The following KREMEN1 variants were observed in gnomAD, a reference collection of about 807,000 sequenced individuals.
KREMEN1 encodes the protein kremen protein 1.
Under a neutral mutation model 46.5 loss-of-function variants are expected in KREMEN1, and 30 were observed. That is an observed-to-expected ratio of 0.65 (90% CI 0.48 to 0.88). The LOEUF (loss-of-function observed/expected upper bound fraction) is 0.88, where lower values mean the gene tolerates loss of function less well. Among genes scored for constraint, KREMEN1 ranks in the 40% least tolerant of loss-of-function variants. The pLI is 0.00. For missense variants in KREMEN1, 533 were observed against 596.9 expected (o/e 0.89, Z 1.11); for synonymous variants, 214 against 230.6 (o/e 0.93, Z 0.65).
At chr22:29,125,153 C>A in intron 4 of KREMEN1, 110 bp from the exon 5 acceptor site, 1 of 1,228,550 alleles carries the variant, frequency 8.1e-7, no homozygotes, top group South Asian at 1.4e-5. Context: ...GGGAAGGGAC[C>A]CTGGGAAGTT....
chr22:29,074,940 T>C (rs1278950196), intron 1 of KREMEN1, among the ~76,000 whole-genome samples: 5 of 152,188 alleles, frequency 3.3e-5, no homozygotes, highest in Non-Finnish European at 7.3e-5. Flanking sequence ...ATAATACTTT[T>C]ATAGGGCCTC....
intron 3 of KREMEN1, among the ~76,000 whole-genome samples, chr22:29,102,545 C>T (rs1363580001): frequency 6.6e-6 from 1 of 152,116 alleles, no homozygotes; most frequent in East Asian, 1.9e-4. Context: ...GAGGGGGTTT[C>T]AATCTGGGCA....
At chr22:29,091,031 A>G (rs181453227) in intron 1 of KREMEN1, among the ~76,000 whole-genome samples, 1 of 152,284 alleles carries the variant, frequency 6.6e-6, no homozygotes, top group Non-Finnish European at 1.5e-5. Flanking sequence ...TGGAGTGCAA[A>G]GGCACGATCT....
rs2038786585 is a variant in KREMEN1 at position 29,142,816 on chromosome 22, A to G, written c.*704A>G. The G allele has an allele frequency of 7.1e-6, 7 of 985,364 alleles. No individual in the cohort carries two copies. The highest frequency in any genetic ancestry group is 8.4e-6 in the Non-Finnish European group (7 of 829,972). 61.0% of individuals were successfully genotyped at this position (985,364 alleles called of 1,614,324 possible). ...TTCTAGATTCTTCTTTCCATAGCTC[A>G]TGGAGCTGCAGGGAAAGCTTTAAGA... On this transcript the variant is annotated 3_prime_UTR_variant, in exon 9 of 9. Coordinates refer to ENST00000400335, the MANE Select transcript of KREMEN1 (RefSeq NM_001039570.3).
At chr22:29,116,557 G>T (rs969442020) in intron 3 of KREMEN1, among the ~76,000 whole-genome samples, 1 of 152,072 alleles carries the variant, frequency 6.6e-6, no homozygotes, top group African/African-American at 2.4e-5. Flanking sequence ...AAGCTTAGAG[G>T]TTCCAGCTGT....
intron 9 of KREMEN1, among the ~76,000 whole-genome samples, chr22:29,158,954 G>T (rs564656706): frequency 6.6e-6 from 1 of 151,984 alleles, no homozygotes; most frequent in African/African-American, 2.4e-5. Context: ...AAGTAGCTGG[G>T]ATTACATGCA....
intron 5 of KREMEN1, among the ~76,000 whole-genome samples, chr22:29,133,491 G>A (rs2038600808): frequency 6.6e-6 from 1 of 151,906 alleles, no homozygotes; most frequent in Non-Finnish European, 1.5e-5. Flanking sequence ...TATAGAGATA[G>A]GGTCTCACTA....
chr22:29,155,361 C>A (rs1244397825), intron 9 of KREMEN1, among the ~76,000 whole-genome samples: 2 of 152,048 alleles, frequency 1.3e-5, no homozygotes, highest in Non-Finnish European at 2.9e-5. Context: ...ATGGCAAAAC[C>A]CGGTGTCTAC....
intron 1 of KREMEN1, among the ~76,000 whole-genome samples, chr22:29,077,346 T>G (rs1285422141): frequency 6.6e-6 from 1 of 152,170 alleles, no homozygotes; most frequent in Non-Finnish European, 1.5e-5. Flanking sequence ...TTGAATTTCC[T>G]ATTTTTATTT....
intron 4 of KREMEN1, among the ~76,000 whole-genome samples, chr22:29,123,654 TG>T (rs1214735333): frequency 6.6e-6 from 1 of 152,176 alleles, no homozygotes. Flanking sequence ...TAGCTGGGCG[TG>T]GTAGCACACC....
intron 3 of KREMEN1, among the ~76,000 whole-genome samples, chr22:29,115,865 G>A (rs2038230881): frequency 6.6e-6 from 1 of 152,220 alleles, no homozygotes; most frequent in Non-Finnish European, 1.5e-5. Context: ...GTCCAGTTGG[G>A]AAACTTGCAA....
chr22:29,117,260 A>G (rs2038254997), intron 3 of KREMEN1, among the ~76,000 whole-genome samples: 1 of 152,176 alleles, frequency 6.6e-6, no homozygotes, highest in Non-Finnish European at 1.5e-5. Flanking sequence ...TTCCAGTCTG[A>G]AACATAAAGG....
chr22:29,127,368 A>G (rs892400672), intron 5 of KREMEN1, among the ~76,000 whole-genome samples: 1 of 152,226 alleles, frequency 6.6e-6, no homozygotes, highest in Non-Finnish European at 1.5e-5. Context: ...TAAAAAATGG[A>G]AAATGAGTGT....
chr22:29,152,289 G>A (rs191833634), intron 9 of KREMEN1, among the ~76,000 whole-genome samples: 40 of 152,284 alleles, frequency 2.6e-4, no homozygotes, highest in Admixed American at 2.5e-3. Context: ...CGGCTCCAAG[G>A]ACAGAGTCTC....
intron 1 of KREMEN1, among the ~76,000 whole-genome samples, chr22:29,088,306 T>TACACACACACAC (rs199764170): frequency 6.0e-5 from 9 of 149,782 alleles, no homozygotes; most frequent in East Asian, 2.0e-4. Flanking sequence ...CACGCGTGCA[T>TACACACACACAC]ACACACACAC....
At chr22:29,113,236 C>A (rs1438104304) in intron 3 of KREMEN1, among the ~76,000 whole-genome samples, 1 of 152,216 alleles carries the variant, frequency 6.6e-6, no homozygotes, top group Non-Finnish European at 1.5e-5. Context: ...AGACTGGTTT[C>A]TTCTTTGTCC....
chr22:29,137,230 A>G (rs1341926114), intron 5 of KREMEN1, 112 bp from the exon 6 acceptor site: 1 of 679,962 alleles, frequency 1.5e-6, no homozygotes, highest in Non-Finnish European at 2.3e-6. Context: ...AGATAGAAAC[A>G]ATGTCCTAAA....
downstream of KREMEN1, among the ~76,000 whole-genome samples, chr22:29,151,041 A>G (rs561694473): frequency 2.0e-5 from 3 of 152,328 alleles, no homozygotes; most frequent in South Asian, 6.2e-4. Flanking sequence ...GCCTCCGGAA[A>G]GCCCAGGGAA....
chr22:29,166,798 T>G (rs1394725679), intron 9 of KREMEN1, among the ~76,000 whole-genome samples: 1 of 152,098 alleles, frequency 6.6e-6, no homozygotes, highest in Admixed American at 6.6e-5. Flanking sequence ...CCTAATGTGG[T>G]GGCACATGCC....
Sources: allele counts gnomAD v4.1 joint callset (sites outside exome capture counted in the v4.1 genomes callset), GRCh38; gene constraint gnomAD v4.1.1; transcripts MANE v1.5; gene names NCBI Gene and HGNC (gene_info 2026-07-23, HGNC 2026-07-21).